XXYLT1: variants seen among roughly 807,000 people sequenced by gnomAD.
The protein encoded by XXYLT1 is xyloside xylosyltransferase 1.
Under a neutral mutation model 28.9 loss-of-function variants are expected in XXYLT1, and 20 were observed. The ratio of observed to expected loss-of-function variants is 0.69; its 90% confidence interval spans 0.49 to 1.00. The LOEUF (loss-of-function observed/expected upper bound fraction) is 1.00, where lower values mean the gene tolerates loss of function less well. Among genes scored for constraint, XXYLT1 ranks in the 50% least tolerant of loss-of-function variants. The probability of loss-of-function intolerance (pLI) is 0.00; values close to 1 mark genes in which losing one functional copy is unlikely to be tolerated. For synonymous variants in XXYLT1, 257 were observed against 253.8 expected (o/e 1.01, Z -0.12); for missense variants, 542 against 560.1 (o/e 0.97, Z 0.33).
intron 3 of XXYLT1, among the ~76,000 whole-genome samples, chr3:195,128,137 T>C (rs1718731138): frequency 6.6e-6 from 1 of 152,126 alleles, no homozygotes; most frequent in Non-Finnish European, 1.5e-5. Flanking sequence ...GGAGGCAGAC[T>C]CAGAACACTT....
intron 1 of XXYLT1, among the ~76,000 whole-genome samples, chr3:195,245,648 T>C (rs762927539): frequency 2.0e-5 from 3 of 152,166 alleles, no homozygotes; most frequent in Non-Finnish European, 4.4e-5. Context: ...CCAAATCTCA[T>C]GTTGGAGTGT....
intron 2 of XXYLT1, among the ~76,000 whole-genome samples, chr3:195,172,141 A>C (rs1408846521): frequency 6.6e-6 from 1 of 152,188 alleles, no homozygotes; most frequent in Non-Finnish European, 1.5e-5. Flanking sequence ...ACATTAACAA[A>C]ATTGGTCAAA....
intron 2 of XXYLT1, among the ~76,000 whole-genome samples, chr3:195,158,568 A>C (rs1001055470): frequency 6.6e-6 from 1 of 152,212 alleles, no homozygotes; most frequent in East Asian, 1.9e-4. Flanking sequence ...AGCACCTTCC[A>C]GGAAGGGTTT....
intron 2 of XXYLT1, chr3:195,183,584 A>C (rs1436206517): frequency 1.3e-5 from 2 of 152,220 alleles, no homozygotes; most frequent in East Asian, 3.8e-4. Context: ...TGGGTCTCTG[A>C]AAAATTGGCT....
chr3:195,132,430 G>A (rs1025610235), intron 3 of XXYLT1, among the ~76,000 whole-genome samples: 1 of 150,304 alleles, frequency 6.7e-6, no homozygotes, highest in Non-Finnish European at 1.5e-5. Context: ...TCGCACCACT[G>A]CATTCCAGCC....
chr3:195,160,987 A>G (rs12490970), intron 2 of XXYLT1, among the ~76,000 whole-genome samples: 7,021 of 152,298 alleles, frequency 0.046, 250 homozygotes, highest in East Asian at 0.15. Context: ...CTATAGGAAT[A>G]GGGGCTACAA....
intron 3 of XXYLT1, among the ~76,000 whole-genome samples, chr3:195,099,307 C>T (rs1302050595): frequency 2.0e-5 from 3 of 152,220 alleles, no homozygotes; most frequent in Non-Finnish European, 2.9e-5. Context: ...AGCAGCTGGA[C>T]AGCCATGATC....
chr3:195,114,793 T>A (rs1452950415), intron 3 of XXYLT1, among the ~76,000 whole-genome samples: 1 of 152,224 alleles, frequency 6.6e-6, no homozygotes, highest in Admixed American at 6.5e-5. Context: ...GCAATCGCTT[T>A]TGGAGCACGC....
intron 1 of XXYLT1, among the ~76,000 whole-genome samples, chr3:195,268,441 A>T (rs1725909796): frequency 6.6e-6 from 1 of 151,886 alleles, no homozygotes; most frequent in Non-Finnish European, 1.5e-5. Flanking sequence ...CAAAAAAAAA[A>T]AAACAAAAAA....
At chr3:195,183,529 C>G (rs1022367082) in intron 2 of XXYLT1, 1 of 152,202 alleles carries the variant, frequency 6.6e-6, no homozygotes, top group African/African-American at 2.4e-5. Flanking sequence ...TACAGTGTGT[C>G]TCCCACTGAA....
Position 195,069,660 on chromosome 3 carries a change from G to A in XXYLT1, c.*55C>T, listed in dbSNP as rs1333221987. The stretch of plus-strand genomic sequence containing the variant: ...ACACTGCCCTTGGGTCTGTCCCAAG[G>A]AACCCTGTCCTTCCCCCAGATCTGG... On this transcript the variant is annotated 3_prime_UTR_variant, in exon 4 of 4. Transcript: ENST00000310380. The A allele has an allele frequency of 3.2e-6, 5 of 1,558,946 alleles. No homozygotes were observed. The highest frequency in any genetic ancestry group is 4.3e-6 in the Non-Finnish European group (5 of 1,157,666).
intron 2 of XXYLT1, among the ~76,000 whole-genome samples, chr3:195,216,634 G>A: frequency 1.3e-5 from 2 of 149,658 alleles, no homozygotes; most frequent in Non-Finnish European, 3.0e-5. Context: ...TCTCTGAATA[G>A]ACCAATAACA....
intron 3 of XXYLT1, among the ~76,000 whole-genome samples, chr3:195,135,252 G>A (rs779049491): frequency 7.2e-5 from 11 of 152,120 alleles, no homozygotes; most frequent in Non-Finnish European, 1.2e-4. Flanking sequence ...AGAATTCTGC[G>A]ACGATATCAA....
Position 195,069,748 on chromosome 3 carries a change from G to A in XXYLT1, c.1149C>T (p.His383=), listed in dbSNP as rs766882818. Residue 383 remains histidine, a synonymous_variant, in exon 4 of 4, where the codon CAC becomes CAT. Coordinates refer to ENST00000310380, the MANE Select transcript of XXYLT1 (RefSeq NM_152531.5). ...FRCEGHVKIY[H]GNCNTPIPED is the part of the protein sequence containing the mutation. ...CCGGGATGGGAGTGTTGCAGTTCCC[G>A]TGGTAGATCTTGACGTGGCCCTCAC... 34 of 1,613,770 alleles carry A rather than the reference G, an allele frequency of 2.1e-5. No individual in the cohort carries two copies. The highest frequency in any genetic ancestry group is 1.1e-4 in the African/African-American group (8 of 74,936).
intron 3 of XXYLT1, among the ~76,000 whole-genome samples, chr3:195,107,250 G>A (rs563315405): frequency 6.6e-6 from 1 of 151,864 alleles, no homozygotes; most frequent in East Asian, 2.0e-4. Context: ...GAGGCGGGCG[G>A]ATCACCTGAG....
At chr3:195,199,333 C>A (rs528977020) in intron 2 of XXYLT1, among the ~76,000 whole-genome samples, 1 of 152,236 alleles carries the variant, frequency 6.6e-6, no homozygotes, top group African/African-American at 2.4e-5. Context: ...CTTTTTGGGC[C>A]GGGCGCGGTG....
rs1010757931 is a variant in XXYLT1 at position 195,180,738 on chromosome 3, C to G, written c.653-24157G>C. ...AAAGGCGCCTGCCCACTGCCCCCACCCCTGCAAGCACACACCTGCTCGCCA... is the reference window on the plus strand; with the variant it reads ...AAAGGCGCCTGCCCACTGCCCCCACGCCTGCAAGCACACACCTGCTCGCCA... On this transcript the variant is annotated intron_variant, in intron 2 of 3. Coordinates refer to ENST00000310380, the MANE Select transcript of XXYLT1 (RefSeq NM_152531.5). This position sits in a 1 kb window ranked among gnomAD's most constrained non-coding sequence, Gnocchi z 5.8. Among the ~76,000 whole-genome samples the G allele has an allele frequency of 1.3e-5, 2 of 152,206 alleles. No homozygotes were observed. Among genetic ancestry groups the G allele is most frequent in the Non-Finnish European group, 2.9e-5 (2 of 68,040 alleles).
At chr3:195,248,813 G>A (rs539206058) in intron 1 of XXYLT1, among the ~76,000 whole-genome samples, 4 of 152,266 alleles carry the variant, frequency 2.6e-5, no homozygotes, top group African/African-American at 7.2e-5. Flanking sequence ...CCAGCTACTC[G>A]GGAGGCTAAG....
At chr3:195,233,744 C>G (rs1382511872) in intron 1 of XXYLT1, among the ~76,000 whole-genome samples, 1 of 152,110 alleles carries the variant, frequency 6.6e-6, no homozygotes, top group Admixed American at 6.6e-5. Flanking sequence ...ATTGGTTTAT[C>G]TTTTCATCTT....
Sources: allele counts gnomAD v4.1 joint callset (sites outside exome capture counted in the v4.1 genomes callset), GRCh38; gene constraint gnomAD v4.1.1; non-coding constraint Gnocchi (gnomAD v3.1); transcripts MANE v1.5; gene names NCBI Gene and HGNC (gene_info 2026-07-23, HGNC 2026-07-21).